EPHA6: variants seen among roughly 807,000 people sequenced by gnomAD.
The protein encoded by EPHA6 is EPH receptor A6, also known as ephrin type-A receptor 6.
In EPHA6, 50 loss-of-function variants were observed where a neutral mutation model predicts 112.0. The ratio of observed to expected loss-of-function variants is 0.45; its 90% CI spans 0.36 to 0.56. The LOEUF (loss-of-function observed/expected upper bound fraction) is 0.56. EPHA6 is among the 20% of genes least tolerant of loss of function. The pLI, the probability that EPHA6 is intolerant of heterozygous loss-of-function variation, is 0.00. For synonymous variants in EPHA6, 529 were observed against 490.7 expected, an observed-to-expected ratio of 1.08 and a Z score of -1.03; for missense variants, 1,280 against 1,417.4, an observed-to-expected ratio of 0.90 and a Z score of 1.56.
chr3:97,621,996 T>C (rs573674338), intron 13 of EPHA6, among the ~76,000 whole-genome samples: 110 of 152,030 alleles, frequency 7.2e-4, no homozygotes, highest in African/African-American at 2.6e-3. Context: ...AATGCTAGTA[T>C]GCTAGTAGAC....
At chr3:96,931,732 T>C (rs1343335905) in intron 2 of EPHA6, among the ~76,000 whole-genome samples, 2 of 152,184 alleles carry the variant, frequency 1.3e-5, no homozygotes, top group Non-Finnish European at 2.9e-5. Flanking sequence ...CCTGTCGCCA[T>C]TGGCTGGCTG....
rs563698603 is a variant in EPHA6 at position 96,826,733 on chromosome 3, T to C, written c.385+11725T>C. Among the ~76,000 whole-genome samples, 13 of 152,230 alleles carry C rather than the reference T, an allele frequency of 8.5e-5. 1 individual carries two copies. Among genetic ancestry groups the C allele is most frequent in the African/African-American group, 3.1e-4 (13 of 41,572 alleles). On this transcript the variant is annotated intron_variant, in intron 1 of 17. Transcript: ENST00000389672. ...TTCCAAATATTTTTCCCAAGCTGTC[T>C]TTTAATTGTGTTTATTACAGTTTCA...
intron 6 of EPHA6, among the ~76,000 whole-genome samples, chr3:97,426,634 C>G (rs2089147629): frequency 6.6e-6 from 1 of 152,154 alleles, no homozygotes; most frequent in African/African-American, 2.4e-5. Flanking sequence ...TGGACATACA[C>G]CCTGGCAAAG....
intron 3 of EPHA6, among the ~76,000 whole-genome samples, chr3:97,218,409 G>T (rs896719419): frequency 6.6e-6 from 1 of 152,146 alleles, no homozygotes; most frequent in African/African-American, 2.4e-5. Flanking sequence ...GCATGGCTGG[G>T]GAAGCCTTAG....
At chr3:97,722,266 C>G (rs2034564479) in intron 15 of EPHA6, among the ~76,000 whole-genome samples, 1 of 152,146 alleles carries the variant, frequency 6.6e-6, no homozygotes, top group South Asian at 2.1e-4. Flanking sequence ...ACAAGTACTA[C>G]TGTACTAATA....
chr3:97,484,327 A>G (rs2107499500), intron 10 of EPHA6, among the ~76,000 whole-genome samples: 2 of 152,238 alleles, frequency 1.3e-5, no homozygotes, highest in East Asian at 3.9e-4. Flanking sequence ...TATAATTTTT[A>G]GGGGTTTGTC....
chr3:97,687,560 A>C (rs1292171271), intron 14 of EPHA6, among the ~76,000 whole-genome samples: 1 of 152,234 alleles, frequency 6.6e-6, no homozygotes, highest in Non-Finnish European at 1.5e-5. Context: ...AGGATCAATT[A>C]AGTTATTTTT....
intron 3 of EPHA6, among the ~76,000 whole-genome samples, chr3:97,165,660 T>C (rs1341876721): frequency 6.6e-6 from 1 of 152,142 alleles, no homozygotes; most frequent in Non-Finnish European, 1.5e-5. Context: ...TCATTATCAC[T>C]CTGACTCTAC....
intron 11 of EPHA6, among the ~76,000 whole-genome samples, chr3:97,541,284 C>T (rs570381897): frequency 2.0e-4 from 31 of 152,246 alleles, no homozygotes; most frequent in African/African-American, 7.0e-4. Flanking sequence ...TAATTTCAGT[C>T]TTATAGAAAA....
At chr3:97,408,095 C>T (rs1298388464) in intron 6 of EPHA6, among the ~76,000 whole-genome samples, 1 of 151,940 alleles carries the variant, frequency 6.6e-6, no homozygotes, top group Non-Finnish European at 1.5e-5. Context: ...AAATGCTATT[C>T]CTCACCCAAC....
intron 2 of EPHA6, among the ~76,000 whole-genome samples, chr3:96,939,097 G>T (rs1030258498): frequency 1.3e-5 from 2 of 152,166 alleles, no homozygotes; most frequent in African/African-American, 4.8e-5. Context: ...CCAGGCTTTG[G>T]TATCAGGATG....
At chr3:97,746,281 T>TGTTA (rs2035712627) in intron 16 of EPHA6, among the ~76,000 whole-genome samples, 1 of 151,846 alleles carries the variant, frequency 6.6e-6, no homozygotes, top group South Asian at 2.1e-4. Flanking sequence ...TTTTAAAGAT[T>TGTTA]GTTACTGCTT....
intron 14 of EPHA6, among the ~76,000 whole-genome samples, chr3:97,699,910 G>T (rs2033274726): frequency 6.6e-6 from 1 of 152,184 alleles, no homozygotes; most frequent in Non-Finnish European, 1.5e-5. Context: ...CAGAAATATT[G>T]ATTATTTGGC....
At chr3:97,743,955 A>G (rs897224127) in intron 16 of EPHA6, among the ~76,000 whole-genome samples, 6 of 152,018 alleles carry the variant, frequency 3.9e-5, no homozygotes, top group South Asian at 2.1e-4. Flanking sequence ...TTAAAACGCT[A>G]GTACTATTGT....
chr3:97,100,935 A>G (rs1390281758), intron 3 of EPHA6, among the ~76,000 whole-genome samples: 3 of 152,008 alleles, frequency 2.0e-5, no homozygotes, highest in African/African-American at 4.8e-5. Context: ...AATGATTAAA[A>G]CAGCATCTCT....
At chr3:97,673,308 C>T (rs1364085957) in intron 14 of EPHA6, among the ~76,000 whole-genome samples, 1 of 152,104 alleles carries the variant, frequency 6.6e-6, no homozygotes, top group Non-Finnish European at 1.5e-5. Flanking sequence ...AAGGAAGAAG[C>T]AGAGGCAACT....
intron 3 of EPHA6, among the ~76,000 whole-genome samples, chr3:97,163,730 C>G (rs1402399550): frequency 6.6e-6 from 1 of 152,116 alleles, no homozygotes; most frequent in African/African-American, 2.4e-5. Context: ...GCTTTCATGC[C>G]AGGGAGGCAT....
At chr3:97,201,843 C>A (rs916035134) in intron 3 of EPHA6, among the ~76,000 whole-genome samples, 1 of 152,068 alleles carries the variant, frequency 6.6e-6, no homozygotes, top group African/African-American at 2.4e-5. Context: ...TTTCCCAATG[C>A]CCAGTGAAGA....
chr3:97,633,917 G>A (rs905349784), intron 13 of EPHA6, among the ~76,000 whole-genome samples: 1 of 152,122 alleles, frequency 6.6e-6, no homozygotes, highest in African/African-American at 2.4e-5. Context: ...GCCAGACAGA[G>A]GTGAATAGAT....
Sources: allele counts gnomAD v4.1 joint callset (sites outside exome capture counted in the v4.1 genomes callset), GRCh38; gene constraint gnomAD v4.1.1; transcripts MANE v1.5; gene names NCBI Gene and HGNC (gene_info 2026-07-23, HGNC 2026-07-21).